PAIP2B: variants seen among roughly 807,000 people sequenced by gnomAD.
PAIP2B encodes the protein poly(A) binding protein interacting protein 2B, also known as polyadenylate-binding protein-interacting protein 2B.
PAIP2B carries 13 observed loss-of-function variants against 17.0 expected under a neutral mutation model. That is an observed-to-expected ratio of 0.76 (90% CI 0.50 to 1.22). The LOEUF (loss-of-function observed/expected upper bound fraction) is 1.22, where lower values mean the gene tolerates loss of function less well. Ranked by LOEUF, PAIP2B falls within the 50% of genes most tolerant of loss-of-function variation. The pLI is 0.00. For synonymous variants in PAIP2B, 43 were observed against 48.7 expected (o/e 0.88, Z 0.48); for missense variants, 117 against 144.5 (o/e 0.81, Z 0.98).
chr2:71,210,258 A>G (rs948375702), intron 1 of PAIP2B, among the ~76,000 whole-genome samples: 1 of 152,230 alleles, frequency 6.6e-6, no homozygotes, highest in African/African-American at 2.4e-5. Flanking sequence ...CAAAGGAAAA[A>G]AAGAGAAAGG....
chr2:71,212,750 A>T (rs1473790557), intron 1 of PAIP2B, among the ~76,000 whole-genome samples: 1 of 150,778 alleles, frequency 6.6e-6, no homozygotes, highest in African/African-American at 2.4e-5. Context: ...CACTATGCCC[A>T]GCCTATTTTT....
intron 1 of PAIP2B, among the ~76,000 whole-genome samples, chr2:71,212,406 C>T (rs545523838): frequency 1.8e-4 from 28 of 151,936 alleles, no homozygotes; most frequent in Admixed American, 1.8e-3. Flanking sequence ...CTCTGTGCAC[C>T]CACCAGGTCC....
intron 2 of PAIP2B, 32 bp from the exon 3 acceptor site, chr2:71,190,053 C>T: frequency 6.3e-7 from 1 of 1,587,318 alleles, no homozygotes; most frequent in Middle Eastern, 1.8e-4. Context: ...CTCAGACTTA[C>T]TGTCACAGCA....
At chr2:71,200,884 G>T (rs1027745807) in intron 2 of PAIP2B, among the ~76,000 whole-genome samples, 1 of 152,128 alleles carries the variant, frequency 6.6e-6, no homozygotes, top group African/African-American at 2.4e-5. Context: ...TTAAGGCCTG[G>T]TATTTACTGC....
chr2:71,207,543 T>C (rs1156689080), intron 1 of PAIP2B, among the ~76,000 whole-genome samples: 1 of 152,058 alleles, frequency 6.6e-6, no homozygotes, highest in Admixed American at 6.6e-5. Flanking sequence ...ATTCGACATA[T>C]TTTGAGATCA....
intron 2 of PAIP2B, among the ~76,000 whole-genome samples, chr2:71,192,053 A>G (rs947734112): frequency 6.6e-6 from 1 of 152,154 alleles, no homozygotes; most frequent in African/African-American, 2.4e-5. Context: ...ACCCAATAAC[A>G]CAGGGCATTA....
chr2:71,220,766 C>G (rs1004283037), intron 1 of PAIP2B, among the ~76,000 whole-genome samples: 2 of 152,170 alleles, frequency 1.3e-5, no homozygotes, highest in East Asian at 3.9e-4. Flanking sequence ...GTATTACAGG[C>G]GTGAGCCATC....
rs373562094 is a variant in PAIP2B, at chr2:71,186,301, C to T, written c.*2178G>A. 5.2e-4 allele frequency: 79 copies of T among 152,348 alleles called. No homozygotes were observed. The highest frequency in any genetic ancestry group is 1.8e-3 in the African/African-American group (75 of 41,566). 9.4% of individuals were successfully genotyped at this position (152,348 alleles called of 1,614,324 possible). A position where few individuals can be genotyped will look rare whatever the true frequency, so the allele number is the denominator to read the frequency against. ...AAAAGAGTTGGACTACAAGAGGAAC[C>T]GCCGGAAGCAGAGTCCTATGCATTT... On this transcript the variant is annotated 3_prime_UTR_variant, in exon 4 of 4. Transcript: ENST00000244221.
intron 1 of PAIP2B, 42 bp downstream of exon 1, chr2:71,226,886 C>G (rs1169709176): frequency 1.3e-5 from 2 of 152,562 alleles, no homozygotes; most frequent in Non-Finnish European, 2.9e-5. Flanking sequence ...AACGGCGTTT[C>G]CCTCGAGTCC....
chr2:71,223,184 G>A (rs567354033), intron 1 of PAIP2B, among the ~76,000 whole-genome samples: 1 of 152,292 alleles, frequency 6.6e-6, no homozygotes, highest in South Asian at 2.1e-4. Flanking sequence ...AGGCCAAGAT[G>A]GGTGGATTCC....
chr2:71,217,958 C>G (rs1675473208), intron 1 of PAIP2B, among the ~76,000 whole-genome samples: 1 of 152,056 alleles, frequency 6.6e-6, no homozygotes, highest in Admixed American at 6.6e-5. Context: ...GTCCTAGCTA[C>G]CTGGGAGGCT....
At chr2:71,194,165 T>C (rs1014846764) in intron 2 of PAIP2B, among the ~76,000 whole-genome samples, 2 of 152,230 alleles carry the variant, frequency 1.3e-5, no homozygotes, top group Non-Finnish European at 2.9e-5. Flanking sequence ...GCCCTCAGCT[T>C]TGTTCTTTTT....
intron 2 of PAIP2B, among the ~76,000 whole-genome samples, chr2:71,195,582 T>C (rs1674795489): frequency 6.6e-6 from 1 of 152,158 alleles, no homozygotes; most frequent in Non-Finnish European, 1.5e-5. Context: ...TCATTTCTAA[T>C]TGTGTTTATT....
chr2:71,187,393 T>G lies in PAIP2B; in HGVS notation c.*1086A>C, dbSNP rs1674567237. On this transcript the variant is annotated 3_prime_UTR_variant, in exon 4 of 4. Transcript: ENST00000244221. ...TCAAGCAGGACTCACTTTCCTAGGC[T>G]GATTTTGAGTTCCTTTCCATAATTC... is the stretch of plus-strand genomic sequence containing the variant. 3 of 152,216 alleles carry G rather than the reference T, an allele frequency of 2.0e-5. No homozygotes were observed. Among genetic ancestry groups the G allele is most frequent in the Non-Finnish European group, 2.9e-5 (2 of 68,042 alleles). The allele number at this position is 152,216 out of a possible 1,614,324, so 9.4% of individuals were successfully genotyped here. A position where few individuals can be genotyped will look rare whatever the true frequency, so the allele number is the denominator to read the frequency against.
At chr2:71,194,093 C>T (rs1000587571) in intron 2 of PAIP2B, among the ~76,000 whole-genome samples, 2 of 152,086 alleles carry the variant, frequency 1.3e-5, no homozygotes, top group African/African-American at 2.4e-5. Flanking sequence ...GCTTTTGTAC[C>T]AGTACCATGC....
At chr2:71,201,870 G>A (rs1479483384) in intron 2 of PAIP2B, among the ~76,000 whole-genome samples, 1 of 152,160 alleles carries the variant, frequency 6.6e-6, no homozygotes, top group Non-Finnish European at 1.5e-5. Flanking sequence ...GAACCACTGG[G>A]CTTCCTAGGA....
intron 1 of PAIP2B, among the ~76,000 whole-genome samples, chr2:71,216,175 C>T (rs990204159): frequency 1.3e-5 from 2 of 152,120 alleles, no homozygotes; most frequent in Admixed American, 6.5e-5. Context: ...TCTTTAAAAA[C>T]ACACAAAGGT....
chr2:71,202,906 T>C (rs1313181037), intron 1 of PAIP2B, among the ~76,000 whole-genome samples: 1 of 152,170 alleles, frequency 6.6e-6, no homozygotes, highest in Non-Finnish European at 1.5e-5. Flanking sequence ...CAAATTTCTG[T>C]AGGTCCTGGA....
chr2:71,211,940 A>G (rs956549434), intron 1 of PAIP2B, among the ~76,000 whole-genome samples: 3 of 152,060 alleles, frequency 2.0e-5, no homozygotes, highest in African/African-American at 7.2e-5. Flanking sequence ...TCAAGTTCCA[A>G]CTCCTTGCCC....
Sources: gnomAD v4.1 joint callset for allele counts (sites outside exome capture counted in the v4.1 genomes callset) on GRCh38, gnomAD v4.1.1 for gene constraint, MANE v1.5 for transcripts, NCBI Gene and HGNC (gene_info 2026-07-23, HGNC 2026-07-21) for gene names.